MECOM: variants seen among roughly 807,000 people sequenced by gnomAD.
MECOM encodes MDS1 and EVI1 complex locus, also known as histone-lysine N-methyltransferase MECOM.
Under a neutral mutation model 116.3 loss-of-function variants are expected in MECOM, and 13 were observed. That is an observed-to-expected ratio of 0.11 (90% CI 0.07 to 0.18). The LOEUF is 0.18. Among genes scored for constraint, MECOM ranks in the 10% least tolerant of loss-of-function variants. MECOM has a pLI of 1.00. For missense variants in MECOM, 1,299 were observed against 1,509.0 expected, an observed-to-expected ratio of 0.86 and a Z score of 2.31; for synonymous variants, 528 against 535.2, an observed-to-expected ratio of 0.99 and a Z score of 0.19.
intron 1 of MECOM, among the ~76,000 whole-genome samples, chr3:169,525,976 C>T (rs1253062014): frequency 1.3e-5 from 2 of 151,590 alleles, no homozygotes; most frequent in African/African-American, 2.4e-5. Flanking sequence ...TGCAGTGAGC[C>T]GAGATCATGC....
Position 169,521,949 on chromosome 3 carries a change from G to A in MECOM, c.38-140425C>T, listed in dbSNP as rs148168262. 7.5e-3 allele frequency among the ~76,000 whole-genome samples: 1,139 copies of A among 152,258 alleles called. 10 individuals are homozygous for A. The highest frequency in any genetic ancestry group is 0.011 in the Non-Finnish European group (732 of 68,014). ...ATTTACATTGTATTAGGTAATATAA[G>A]TAATCTAGAGATAATTTAAAGTATA... On this transcript the variant is annotated intron_variant, in intron 1 of 16. Transcript: ENST00000651503.
intron 2 of MECOM, among the ~76,000 whole-genome samples, chr3:169,324,617 A>G (rs1216666004): frequency 2.6e-5 from 4 of 152,248 alleles, no homozygotes. Flanking sequence ...GCTAATGACT[A>G]GAAGAAAGGG....
At chr3:169,118,994 C>G (rs1191991785) in intron 7 of MECOM, among the ~76,000 whole-genome samples, 1 of 152,158 alleles carries the variant, frequency 6.6e-6, no homozygotes, top group Non-Finnish European at 1.5e-5. Context: ...AGGAATTAGC[C>G]AGCAGTTAAC....
At chr3:169,088,738 A>G (rs1204602746) in intron 16 of MECOM, among the ~76,000 whole-genome samples, 1 of 152,200 alleles carries the variant, frequency 6.6e-6, no homozygotes, top group Non-Finnish European at 1.5e-5. Flanking sequence ...AGAGAATTGC[A>G]AAGTCAAGGA....
chr3:169,097,287 C>T (rs1721859998), intron 12 of MECOM, among the ~76,000 whole-genome samples: 1 of 152,052 alleles, frequency 6.6e-6, no homozygotes, highest in Non-Finnish European at 1.5e-5. Context: ...TAAGCATGTT[C>T]TAACCAATGA....
In MECOM at chr3:169,115,490, G is replaced by T. The variant is rs774100622; in HGVS notation, c.2382C>A (p.Asn794Lys). 5 of 1,614,092 alleles carry T rather than the reference G, an allele frequency of 3.1e-6. No homozygotes were observed. The Admixed American group carries it at 5.0e-5, about 16-fold the overall frequency. Reference protein sequence around the residue: ...SGTKLTEPRKNHVFGGKKGSN... With the variant: ...SGTKLTEPRKKHVFGGKKGSN... ...TTCCTTTTTTTCCCCCAAACACGTG[G>T]TTTTTTCGAGGCTCAGTCAGCTTTG... The change falls in exon 8 of 17, where the codon AAC becomes AAA. Residue 794 changes from asparagine (N) to lysine (K), a missense_variant. Coordinates refer to ENST00000651503, the MANE Select transcript of MECOM (RefSeq NM_004991.4).
intron 1 of MECOM, among the ~76,000 whole-genome samples, chr3:169,434,095 A>G (rs1366796204): frequency 6.6e-6 from 1 of 152,236 alleles, no homozygotes; most frequent in Non-Finnish European, 1.5e-5. Context: ...GTTTATTTAG[A>G]TAATGAATAC....
intron 1 of MECOM, among the ~76,000 whole-genome samples, chr3:169,581,993 T>C (rs1331085944): frequency 6.6e-6 from 1 of 152,180 alleles, no homozygotes; most frequent in Non-Finnish European, 1.5e-5. Context: ...ATAATATGAA[T>C]CAGATGGGTT....
chr3:169,564,113 T>A (rs1762955528), intron 1 of MECOM, among the ~76,000 whole-genome samples: 2 of 152,070 alleles, frequency 1.3e-5, no homozygotes, highest in Admixed American at 6.5e-5. Context: ...TAGAAAAAAA[T>A]TGAAGAAAAG....
chr3:169,464,137 C>T (rs1747896750), intron 1 of MECOM: 2 of 152,126 alleles, frequency 1.3e-5, no homozygotes, highest in South Asian at 4.2e-4. Context: ...TGATGCTATT[C>T]CTATTATCAC....
At chr3:169,482,653 G>A (rs1199625126) in intron 1 of MECOM, among the ~76,000 whole-genome samples, 1 of 152,146 alleles carries the variant, frequency 6.6e-6, no homozygotes, top group African/African-American at 2.4e-5. Context: ...CTAACAAGAT[G>A]AAGTCATGCA....
rs1040300287 is a variant in MECOM, at chr3:169,417,757, A to T, written c.38-36233T>A. On this transcript the variant is annotated intron_variant, in intron 1 of 16. Coordinates refer to ENST00000651503, the MANE Select transcript of MECOM (RefSeq NM_004991.4). ...GATTAAGAAAATGTGGCACATATAC[A>T]CCATGGAATACTATGCAGCCATAAA... Among the ~76,000 whole-genome samples, 26 of 152,170 alleles carry T rather than the reference A, an allele frequency of 1.7e-4. 1 individual carries two copies. The highest frequency in any genetic ancestry group is 6.0e-4 in the African/African-American group (25 of 41,514).
chr3:169,257,494 T>TA (rs1271682581), intron 2 of MECOM, among the ~76,000 whole-genome samples: 1 of 152,242 alleles, frequency 6.6e-6, no homozygotes, highest in Non-Finnish European at 1.5e-5. Context: ...TGTAACAGTT[T>TA]ATTCTATGCA....
At chr3:169,245,697 T>C (rs758185084) in intron 2 of MECOM, among the ~76,000 whole-genome samples, 2 of 152,172 alleles carry the variant, frequency 1.3e-5, no homozygotes, top group African/African-American at 2.4e-5. Context: ...GTTATAGAAA[T>C]AGTATTGGAT....
Position 169,663,599 on chromosome 3 carries a change from ACTCT to A in MECOM, c.-231_-228del, listed in dbSNP as rs1364943093. On this transcript the variant is annotated 5_prime_UTR_variant, in exon 1 of 17. Transcript: ENST00000651503. The stretch of plus-strand genomic sequence containing the variant: ...CTCACTCTCTGTATTTTCTTCTTTC[ACTCT>A]CTCTCCCTCCCTCTCTCCCTTTCTC... 6 of 467,506 alleles carry A rather than the reference ACTCT, an allele frequency of 1.3e-5. No homozygotes were observed. The highest frequency in any genetic ancestry group is 2.2e-5 in the Non-Finnish European group (6 of 274,366). The allele number at this position is 467,506 out of a possible 1,614,324, so 29.0% of individuals were successfully genotyped here.
At chr3:169,202,082 A>G (rs539910226) in intron 2 of MECOM, among the ~76,000 whole-genome samples, 1 of 152,126 alleles carries the variant, frequency 6.6e-6, no homozygotes, top group South Asian at 2.1e-4. Flanking sequence ...TTGTGGTTAA[A>G]TTGTTTATTG....
intron 2 of MECOM, among the ~76,000 whole-genome samples, chr3:169,357,542 T>C (rs1727472704): frequency 6.6e-6 from 1 of 151,918 alleles, no homozygotes; most frequent in South Asian, 2.1e-4. Flanking sequence ...CTAGTTCCCT[T>C]CTTCATAAGC....
At chr3:169,444,485 T>A (rs1430336953) in intron 1 of MECOM, among the ~76,000 whole-genome samples, 1 of 152,126 alleles carries the variant, frequency 6.6e-6, no homozygotes, top group African/African-American at 2.4e-5. Context: ...GGTTTCCGTT[T>A]TTGCCTCTTC....
chr3:169,142,588 T>C (rs1738469615), intron 3 of MECOM, among the ~76,000 whole-genome samples: 1 of 151,928 alleles, frequency 6.6e-6, no homozygotes, highest in Non-Finnish European at 1.5e-5. Context: ...AAACAATTGA[T>C]TGGTTTATTA....
Sources: gnomAD v4.1 joint callset for allele counts (sites outside exome capture counted in the v4.1 genomes callset) on GRCh38, gnomAD v4.1.1 for gene constraint, MANE v1.5 for transcripts, NCBI Gene and HGNC (gene_info 2026-07-23, HGNC 2026-07-21) for gene names.